Variants in SEPTIN9 observed in about 807,000 individuals in gnomAD.
The protein encoded by SEPTIN9 is septin-9.
A neutral mutation model predicts 56.6 loss-of-function variants in SEPTIN9; 13 were observed. The ratio of observed to expected loss-of-function variants is 0.23; its 90% CI spans 0.15 to 0.37. The LOEUF (loss-of-function observed/expected upper bound fraction) is 0.37. Ranked by LOEUF, SEPTIN9 falls within the 10% of genes least tolerant of loss-of-function variation. The pLI is 1.00. For synonymous variants in SEPTIN9, 332 were observed against 334.1 expected (o/e 0.99, Z 0.07); for missense variants, 650 against 823.1 (o/e 0.79, Z 2.57).
chr17:77,466,328 C>T lies in SEPTIN9; in HGVS notation c.722-15816C>T, dbSNP rs576902909. On this transcript the variant is annotated intron_variant, in intron 3 of 11. Transcript: ENST00000427177. ...GCAGCCTCAGGAAAGTGGTCAGGCC[C>T]GGGCCAGGCCCCTTCCCCCTCCCAG... 9.5e-6 allele frequency: 9 copies of T among 949,552 alleles called. No homozygotes were observed. The South Asian group carries it at 1.5e-4, about 15-fold the overall frequency. 58.8% of individuals were successfully genotyped at this position (949,552 alleles called of 1,614,324 possible). A position where few individuals can be genotyped will look rare whatever the true frequency, so the allele number is the denominator to read the frequency against.
intron 10 of SEPTIN9, among the ~76,000 whole-genome samples, chr17:77,495,757 C>T (rs773095145): frequency 5.9e-5 from 9 of 152,198 alleles, no homozygotes; most frequent in African/African-American, 9.6e-5. Flanking sequence ...TACACAGGGC[C>T]GTGGCAGGAG....
chr17:77,473,482 C>T (rs1470936977), intron 3 of SEPTIN9, among the ~76,000 whole-genome samples: 1 of 152,180 alleles, frequency 6.6e-6, no homozygotes, highest in African/African-American at 2.4e-5. Flanking sequence ...ATCCTCCCGC[C>T]TCGGCCTCCC....
intron 2 of SEPTIN9, chr17:77,373,197 C>T (rs1281620225): frequency 1.7e-5 from 18 of 1,089,416 alleles, no homozygotes; most frequent in Non-Finnish European, 2.0e-5. Context: ...GCCCCCCAGG[C>T]CTGGCCTTGA....
chr17:77,445,999 G>A lies in SEPTIN9; in HGVS notation c.722-36145G>A, dbSNP rs7216497. The A allele has an allele frequency of 0.045, 7,607 of 169,626 alleles. 577 individuals carry two copies. Among genetic ancestry groups the A allele is most frequent in the African/African-American group, 0.17 (6,897 of 41,538 alleles). 10.5% of individuals were successfully genotyped at this position (169,626 alleles called of 1,614,324 possible). A position where few individuals can be genotyped will look rare whatever the true frequency, so the allele number is the denominator to read the frequency against. The stretch of plus-strand genomic sequence containing the variant: ...CCAACACAGAACCCCGAGTAGGGGC[G>A]GGAAGGGGTCCTGTCCCGCTCACTG... On this transcript the variant is annotated intron_variant, in intron 3 of 11. Coordinates refer to ENST00000427177, the MANE Select transcript of SEPTIN9 (RefSeq NM_001113491.2). The surrounding 1 kb of genome is among the most constrained non-coding windows in gnomAD (Gnocchi z 4.7).
chr17:77,368,343 G>A (rs1030120594), intron 2 of SEPTIN9, among the ~76,000 whole-genome samples: 4 of 148,832 alleles, frequency 2.7e-5, no homozygotes, highest in African/African-American at 7.4e-5. Context: ...ACGGAGTCTC[G>A]CTCTGTCGCC....
In SEPTIN9 at chr17:77,451,350, C is replaced by T. The variant is rs1482437468; in HGVS notation, c.722-30794C>T. The T allele has an allele frequency of 5.1e-6, 5 of 985,696 alleles. No homozygotes were observed. The highest frequency in any genetic ancestry group is 3.6e-6 in the Non-Finnish European group (3 of 830,064). The allele number at this position is 985,696 out of a possible 1,614,324, so 61.1% of individuals were successfully genotyped here. ...CTGCCCCCTTGGAGCAATTCCCCACCGAGCCTCCCTTCCCAGGCAGTCGAG... is the reference window on the plus strand; with the variant it reads ...CTGCCCCCTTGGAGCAATTCCCCACTGAGCCTCCCTTCCCAGGCAGTCGAG... On this transcript the variant is annotated intron_variant, in intron 3 of 11. Transcript: ENST00000427177. The surrounding 1 kb of genome is among the most constrained non-coding windows in gnomAD (Gnocchi z 4.2).
rs189092176 is a variant in SEPTIN9, at chr17:77,327,401, G to T, written c.76+20204G>T. Reference sequence around the variant, plus strand: ...GCCCCCGCCTGGCCCCATGCATCCCGCACGGTGCTCCCCAGGGTCTCCCAC... The same window carrying T: ...GCCCCCGCCTGGCCCCATGCATCCCTCACGGTGCTCCCCAGGGTCTCCCAC... On this transcript the variant is annotated intron_variant, in intron 2 of 11. Coordinates refer to ENST00000427177, the MANE Select transcript of SEPTIN9 (RefSeq NM_001113491.2). This position sits in a 1 kb window ranked among gnomAD's most constrained non-coding sequence, Gnocchi z 5.0. Among the ~76,000 whole-genome samples the T allele has an allele frequency of 5.9e-5, 9 of 152,236 alleles. No homozygotes were observed. The East Asian group carries it at 1.4e-3, about 23-fold the overall frequency.
At chr17:77,351,506 A>C (rs2034064385) in intron 2 of SEPTIN9, among the ~76,000 whole-genome samples, 2 of 152,176 alleles carry the variant, frequency 1.3e-5, no homozygotes, top group Non-Finnish European at 2.9e-5. Flanking sequence ...ACACGTCTGC[A>C]GCTCTGGGCA....
rs139840496 is a variant in SEPTIN9 at position 77,415,332 on chromosome 17, C to T, written c.721+12629C>T. ...GTTTATTCAAGAAGTCTCGGCCAGG[C>T]GTGGTGCCTCACACCTGTAATCCCA... On this transcript the variant is annotated intron_variant, in intron 3 of 11. Transcript: ENST00000427177. Among the ~76,000 whole-genome samples the T allele has an allele frequency of 7.2e-3, 1,089 of 152,250 alleles. 11 individuals are homozygous for T. Among genetic ancestry groups the T allele is most frequent in the African/African-American group, 0.024 (1,009 of 41,556 alleles).
intron 3 of SEPTIN9, among the ~76,000 whole-genome samples, chr17:77,441,104 G>A (rs1774713729): frequency 6.6e-6 from 1 of 152,172 alleles, no homozygotes; most frequent in African/African-American, 2.4e-5. Context: ...CCTGGTTCTG[G>A]GAGGAGAGAA....
chr17:77,413,069 G>T (rs1275358985), intron 3 of SEPTIN9, among the ~76,000 whole-genome samples: 2 of 149,262 alleles, frequency 1.3e-5, no homozygotes, highest in African/African-American at 5.0e-5. Flanking sequence ...CAGCGAGCTT[G>T]GTCTGGAGCG....
intron 1 of SEPTIN9, among the ~76,000 whole-genome samples, chr17:77,306,187 G>C (rs2032256221): frequency 6.6e-6 from 1 of 152,168 alleles, no homozygotes; most frequent in African/African-American, 2.4e-5. Context: ...GGGAGGAACT[G>C]GCATCTTTGA....
chr17:77,394,823 A>G (rs1018593060), intron 2 of SEPTIN9, among the ~76,000 whole-genome samples: 1 of 152,188 alleles, frequency 6.6e-6, no homozygotes, highest in Non-Finnish European at 1.5e-5. Flanking sequence ...CTCTCTAAAT[A>G]GGCCCAGGTC....
At chr17:77,472,402 G>C (rs993085164) in intron 3 of SEPTIN9, 4 of 152,250 alleles carry the variant, frequency 2.6e-5, no homozygotes, top group African/African-American at 9.6e-5. Context: ...CCCGCCCCCT[G>C]CCTCGGGGGC....
intron 2 of SEPTIN9, among the ~76,000 whole-genome samples, chr17:77,348,294 GT>G (rs367934946): frequency 0.025 from 2,220 of 89,712 alleles, 54 homozygotes; most frequent in African/African-American, 0.092. Flanking sequence ...TTTAATTTAT[GT>G]TTTTTTTTTT....
intron 3 of SEPTIN9, among the ~76,000 whole-genome samples, chr17:77,471,964 C>A (rs965800717): frequency 6.1e-5 from 9 of 147,492 alleles, no homozygotes. Context: ...TATAAAATAG[C>A]CCCCCCCACC....
chr17:77,316,017 T>G (rs1167603335), intron 2 of SEPTIN9, among the ~76,000 whole-genome samples: 1 of 152,168 alleles, frequency 6.6e-6, no homozygotes, highest in Non-Finnish European at 1.5e-5. Context: ...ACAGCAACCT[T>G]TGGTCCAATT....
At chr17:77,332,799 C>T (rs930322125) in intron 2 of SEPTIN9, among the ~76,000 whole-genome samples, 3 of 152,122 alleles carry the variant, frequency 2.0e-5, no homozygotes, top group East Asian at 3.8e-4. Flanking sequence ...CAGGTGCCAG[C>T]GATTTGTTCT....
At chr17:77,337,184 T>G (rs1463421896) in intron 2 of SEPTIN9, among the ~76,000 whole-genome samples, 46 of 152,092 alleles carry the variant, frequency 3.0e-4, no homozygotes, top group Admixed American at 2.9e-3. Context: ...ATTTTTAAAA[T>G]TTTTTGTACA....
Sources: gnomAD v4.1 joint callset for allele counts (sites outside exome capture counted in the v4.1 genomes callset) on GRCh38, gnomAD v4.1.1 for gene constraint, Gnocchi (gnomAD v3.1) non-coding constraint, MANE v1.5 for transcripts, NCBI Gene and HGNC (gene_info 2026-07-23, HGNC 2026-07-21) for gene names.